Variants in RALGPS1 observed in about 807,000 individuals in gnomAD.
RALGPS1 encodes ras-specific guanine nucleotide-releasing factor RalGPS1.
A neutral mutation model predicts 78.8 loss-of-function variants in RALGPS1; 19 were observed. That is an observed-to-expected ratio of 0.24 (90% CI 0.17 to 0.35). RALGPS1 has a LOEUF of 0.35. Ranked by LOEUF, RALGPS1 falls within the 10% of genes least tolerant of loss-of-function variation. RALGPS1 has a pLI of 1.00. For missense variants in RALGPS1, 454 were observed against 688.3 expected (o/e 0.66, Z 3.81); for synonymous variants, 228 against 256.3 (o/e 0.89, Z 1.06).
chr9:127,057,604 T>C (rs2048850701), intron 7 of RALGPS1, among the ~76,000 whole-genome samples: 1 of 152,222 alleles, frequency 6.6e-6, no homozygotes, highest in Non-Finnish European at 1.5e-5. Context: ...AAAATGCAGA[T>C]GGGTAATGAT....
chr9:127,145,642 G>A (rs995179770), intron 8 of RALGPS1, among the ~76,000 whole-genome samples: 1 of 152,162 alleles, frequency 6.6e-6, no homozygotes, highest in African/African-American at 2.4e-5. Flanking sequence ...CTTTTGCTCC[G>A]ACTCTGCCTT....
intron 1 of RALGPS1, among the ~76,000 whole-genome samples, chr9:126,939,746 T>G (rs898006224): frequency 1.3e-5 from 2 of 152,212 alleles, no homozygotes; most frequent in African/African-American, 2.4e-5. Flanking sequence ...GGGATAGACA[T>G]GACCCTCGCT....
At chr9:126,928,862 A>G (rs1388472829) in intron 1 of RALGPS1, among the ~76,000 whole-genome samples, 1 of 152,142 alleles carries the variant, frequency 6.6e-6, no homozygotes, top group East Asian at 1.9e-4. Flanking sequence ...TCGGCTTCCC[A>G]AAGTGCTGAG....
intron 11 of RALGPS1, among the ~76,000 whole-genome samples, chr9:127,180,174 AC>A (rs1020138966): frequency 6.6e-6 from 1 of 152,172 alleles, no homozygotes; most frequent in Admixed American, 6.5e-5. Context: ...AAGAACGTTG[AC>A]CCCCAGAGAG....
intron 8 of RALGPS1, among the ~76,000 whole-genome samples, chr9:127,073,466 CTGTGTGTGTG>C (rs58611833): frequency 2.1e-5 from 3 of 143,026 alleles, no homozygotes; most frequent in South Asian, 4.3e-4. Flanking sequence ...GTGTGTGTGT[CTGTGTGTGTG>C]TGTGTGTGTG....
intron 11 of RALGPS1, among the ~76,000 whole-genome samples, chr9:127,184,646 C>A (rs1054932108): frequency 6.6e-6 from 1 of 152,208 alleles, no homozygotes; most frequent in Admixed American, 6.5e-5. Flanking sequence ...TGAAAGTCAC[C>A]GTGTGCACCA....
chr9:126,939,290 ACT>A (rs2036542424), intron 1 of RALGPS1, among the ~76,000 whole-genome samples: 1 of 152,152 alleles, frequency 6.6e-6, no homozygotes, highest in Admixed American at 6.5e-5. Context: ...TCACAGGCTC[ACT>A]CTGACCTTTC....
chr9:127,099,830 C>A (rs2053541739), intron 8 of RALGPS1, among the ~76,000 whole-genome samples: 1 of 152,244 alleles, frequency 6.6e-6, no homozygotes, highest in Non-Finnish European at 1.5e-5. Flanking sequence ...CATTTCTGAT[C>A]ATTCCAGGGA....
rs2062776394 is a variant in RALGPS1, at chr9:127,221,591, C to T, written c.*2822C>T. The T allele has an allele frequency of 6.6e-6, 1 of 152,182 alleles. No homozygotes were observed. Among genetic ancestry groups the T allele is most frequent in the African/African-American group, 2.4e-5 (1 of 41,432 alleles). 9.4% of individuals were successfully genotyped at this position (152,182 alleles called of 1,614,324 possible). On this transcript the variant is annotated 3_prime_UTR_variant, in exon 19 of 19. Transcript: ENST00000259351. ...GATGGAGGATTGATTCGGTAGAGAG[C>T]AGTAGAAATCTTGTTCTAACTGTGC...
intron 17 of RALGPS1, chr9:127,213,972 G>A (rs1031105054): frequency 2.0e-5 from 3 of 152,210 alleles, no homozygotes; most frequent in Non-Finnish European, 2.9e-5. Context: ...AGCCTGGAAT[G>A]GGGAAGAGAT....
At chr9:126,999,720 A>C (rs2043116179) in intron 4 of RALGPS1, among the ~76,000 whole-genome samples, 1 of 152,146 alleles carries the variant, frequency 6.6e-6, no homozygotes, top group Admixed American at 6.6e-5. Context: ...TTATCCATTC[A>C]CCTACTGAGG....
At chr9:126,983,566 A>G (rs994768258) in intron 4 of RALGPS1, among the ~76,000 whole-genome samples, 5 of 152,168 alleles carry the variant, frequency 3.3e-5, no homozygotes, top group African/African-American at 7.2e-5. Context: ...GGGAATTTCA[A>G]ATTTCCCCAA....
At chr9:127,009,950 G>A (rs1172027536) in intron 4 of RALGPS1, among the ~76,000 whole-genome samples, 1 of 152,130 alleles carries the variant, frequency 6.6e-6, no homozygotes, top group Non-Finnish European at 1.5e-5. Flanking sequence ...CCACAGAATT[G>A]GAAACTGTGC....
intron 1 of RALGPS1, among the ~76,000 whole-genome samples, chr9:126,949,170 C>T (rs1383422292): frequency 6.6e-6 from 1 of 152,176 alleles, no homozygotes; most frequent in African/African-American, 2.4e-5. Flanking sequence ...GCATAGTATT[C>T]CATGGTGTAT....
At chr9:127,001,469 T>C (rs1303385243) in intron 4 of RALGPS1, among the ~76,000 whole-genome samples, 1 of 152,228 alleles carries the variant, frequency 6.6e-6, no homozygotes, top group Non-Finnish European at 1.5e-5. Flanking sequence ...TTTAAACTTA[T>C]AGTCTACTTT....
chr9:127,050,366 A>G (rs895906637), intron 6 of RALGPS1, among the ~76,000 whole-genome samples: 2 of 152,158 alleles, frequency 1.3e-5, no homozygotes, highest in Non-Finnish European at 2.9e-5. Flanking sequence ...CCCACACCCT[A>G]TAATTTTAGT....
intron 8 of RALGPS1, among the ~76,000 whole-genome samples, chr9:127,094,770 A>G (rs2052914164): frequency 6.6e-6 from 1 of 152,212 alleles, no homozygotes; most frequent in Non-Finnish European, 1.5e-5. Context: ...ATACAGCCCA[A>G]TCCATGGCTC....
intron 5 of RALGPS1, among the ~76,000 whole-genome samples, chr9:127,040,665 G>T (rs1456061173): frequency 6.6e-6 from 1 of 152,158 alleles, no homozygotes; most frequent in Non-Finnish European, 1.5e-5. Context: ...AGTTGCTAAA[G>T]TTGAAGTGCT....
intron 18 of RALGPS1, among the ~76,000 whole-genome samples, chr9:127,216,469 AC>A (rs1426301455): frequency 1.3e-5 from 2 of 152,168 alleles, no homozygotes; most frequent in East Asian, 3.9e-4. Flanking sequence ...AGGAACCAAA[AC>A]CCTGGAAGCC....
Sources: allele counts gnomAD v4.1 joint callset (sites outside exome capture counted in the v4.1 genomes callset), GRCh38; gene constraint gnomAD v4.1.1; transcripts MANE v1.5; gene names NCBI Gene and HGNC (gene_info 2026-07-23, HGNC 2026-07-21).